The following SDK1 variants were observed in gnomAD, a reference collection of about 807,000 sequenced individuals.
The protein encoded by SDK1 is protein sidekick-1.
Under a neutral mutation model 245.5 loss-of-function variants are expected in SDK1, and 157 were observed. That is an observed-to-expected ratio of 0.64 (90% confidence interval 0.56 to 0.73). The LOEUF (loss-of-function observed/expected upper bound fraction) is 0.73. Among genes scored for constraint, SDK1 ranks in the 30% least tolerant of loss-of-function variants. SDK1 has a pLI of 0.00. For missense variants in SDK1, 3,583 were observed against 3,002.3 expected, an observed-to-expected ratio of 1.19 and a Z score of -4.52; for synonymous variants, 1,647 against 1,278.5, an observed-to-expected ratio of 1.29 and a Z score of -6.15.
intron 5 of SDK1, among the ~76,000 whole-genome samples, chr7:3,851,760 G>C (rs1403409668): frequency 6.6e-6 from 1 of 152,174 alleles, no homozygotes; most frequent in African/African-American, 2.4e-5. Flanking sequence ...AGAAGAAACG[G>C]CCTTTGGAAA....
intron 5 of SDK1, among the ~76,000 whole-genome samples, chr7:3,902,680 T>A (rs1328564378): frequency 2.0e-5 from 3 of 152,232 alleles, no homozygotes; most frequent in Admixed American, 6.5e-5. Flanking sequence ...AAGTCTAAAT[T>A]ACATGAAAAG....
intron 1 of SDK1, among the ~76,000 whole-genome samples, chr7:3,478,721 T>C (rs1006015746): frequency 6.6e-6 from 1 of 152,144 alleles, no homozygotes; most frequent in Non-Finnish European, 1.5e-5. Context: ...TCCTTGATTC[T>C]ACCTGATTCA....
At chr7:3,748,161 G>C (rs1183748751) in intron 4 of SDK1, among the ~76,000 whole-genome samples, 3 of 152,234 alleles carry the variant, frequency 2.0e-5, no homozygotes, top group Non-Finnish European at 4.4e-5. Context: ...GTTGAAAGCA[G>C]GGTACAAAAC....
At chr7:3,856,820 T>C (rs1041096139) in intron 5 of SDK1, among the ~76,000 whole-genome samples, 6 of 152,148 alleles carry the variant, frequency 3.9e-5, no homozygotes, top group African/African-American at 1.2e-4. Context: ...ATGCTACTTA[T>C]AGGATATAAA....
chr7:3,963,413 T>C, intron 9 of SDK1, among the ~76,000 whole-genome samples: 1 of 76,034 alleles, frequency 1.3e-5, no homozygotes, highest in Non-Finnish European at 2.3e-5. Flanking sequence ...CTCAGCCCCA[T>C]GGCTACCTGG....
At chr7:3,449,135 T>C (rs949395412) in intron 1 of SDK1, among the ~76,000 whole-genome samples, 1 of 152,232 alleles carries the variant, frequency 6.6e-6, no homozygotes, top group Non-Finnish European at 1.5e-5. Flanking sequence ...GTCCTTTCTT[T>C]ACAACATAAG....
intron 22 of SDK1, among the ~76,000 whole-genome samples, chr7:4,099,184 C>T (rs909777810): frequency 1.3e-5 from 2 of 151,936 alleles, no homozygotes; most frequent in Admixed American, 1.3e-4. Flanking sequence ...GAATGAAAGG[C>T]TCAGGGTTAG....
intron 1 of SDK1, among the ~76,000 whole-genome samples, chr7:3,380,455 A>C (rs942977641): frequency 1.3e-5 from 2 of 152,218 alleles, no homozygotes; most frequent in African/African-American, 4.8e-5. Flanking sequence ...TTGAGACTGA[A>C]GTGTCTGCAG....
At chr7:3,862,677 G>C (rs1038907844) in intron 5 of SDK1, among the ~76,000 whole-genome samples, 1 of 152,086 alleles carries the variant, frequency 6.6e-6, no homozygotes, top group African/African-American at 2.4e-5. Flanking sequence ...TAATACGTCA[G>C]GCTTTTTCTG....
chr7:3,781,242 C>G (rs1780725796), intron 4 of SDK1, among the ~76,000 whole-genome samples: 1 of 152,116 alleles, frequency 6.6e-6, no homozygotes, highest in Non-Finnish European at 1.5e-5. Flanking sequence ...CTGTAACTGG[C>G]CTGACCAGAA....
In SDK1 at chr7:4,228,879, A is replaced by G. The variant is rs1302072081; in HGVS notation, c.5828-4376A>G. The stretch of plus-strand genomic sequence containing the variant: ...CGGCAACACAGCTCGTTCACTGGGG[A>G]AGAGAAACCAGGCTGGCTCTTCCGG... On this transcript the variant is annotated intron_variant, in intron 40 of 44. Coordinates refer to ENST00000404826, the MANE Select transcript of SDK1 (RefSeq NM_152744.4). Among the ~76,000 whole-genome samples, 3 of 152,116 alleles carry G rather than the reference A, an allele frequency of 2.0e-5. No individual in the cohort carries two copies. The East Asian group carries it at 5.8e-4, about 29-fold the overall frequency.
In SDK1 at chr7:4,220,286, G is replaced by A. The variant is rs745614886; in HGVS notation, c.5701+16G>A. ...CCAGCCGAGGGTAAGTGGAACTCCA[G>A]GGGCAGACAATGTCAATTGCAACTT... is the stretch of plus-strand genomic sequence containing the variant. On this transcript the variant is annotated intron_variant, in intron 39 of 44. Coordinates refer to ENST00000404826, the MANE Select transcript of SDK1 (RefSeq NM_152744.4). 7.5e-6 allele frequency: 12 copies of A among 1,606,928 alleles called. No homozygotes were observed. The Admixed American group carries it at 2.0e-4, about 27-fold the overall frequency.
intron 4 of SDK1, among the ~76,000 whole-genome samples, chr7:3,811,402 AAAGTGAG>A (rs1334670199): frequency 6.6e-6 from 1 of 152,218 alleles, no homozygotes; most frequent in Non-Finnish European, 1.5e-5. Flanking sequence ...TTCTGGTAGA[AAAGTGAG>A]GTGTCTTCTC....
chr7:3,592,276 T>C (rs1234041954), intron 1 of SDK1, among the ~76,000 whole-genome samples: 2 of 152,246 alleles, frequency 1.3e-5, no homozygotes, highest in African/African-American at 2.4e-5. Flanking sequence ...TAAAAGATTA[T>C]GTGCCATTTA....
chr7:3,893,824 C>G (rs572248610), intron 5 of SDK1, among the ~76,000 whole-genome samples: 18 of 152,174 alleles, frequency 1.2e-4, no homozygotes, highest in Admixed American at 3.3e-4. Context: ...TGCCCCCACC[C>G]TCACCTTATC....
chr7:4,169,641 G>C (rs554850915), intron 32 of SDK1, among the ~76,000 whole-genome samples: 5 of 152,188 alleles, frequency 3.3e-5, no homozygotes, highest in Non-Finnish European at 7.3e-5. Context: ...GCAATGAGAC[G>C]GCAAGGCTGG....
chr7:4,084,361 T>C (rs1781287374), intron 22 of SDK1, among the ~76,000 whole-genome samples: 1 of 152,230 alleles, frequency 6.6e-6, no homozygotes, highest in South Asian at 2.1e-4. Context: ...TTATTCTTTT[T>C]GAACCTAGAA....
At chr7:4,161,021 C>T (rs933048903) in intron 31 of SDK1, among the ~76,000 whole-genome samples, 8 of 152,182 alleles carry the variant, frequency 5.3e-5, no homozygotes, top group East Asian at 1.9e-4. Context: ...ATACAGAATG[C>T]GTGTCACACT....
chr7:4,011,321 G>C (rs1785944349), intron 15 of SDK1, among the ~76,000 whole-genome samples: 1 of 152,232 alleles, frequency 6.6e-6, no homozygotes, highest in Non-Finnish European at 1.5e-5. Context: ...ATTGCTTTGA[G>C]GCAGGTTCCT....
Sources: gnomAD v4.1 joint callset for allele counts (sites outside exome capture counted in the v4.1 genomes callset) on GRCh38, gnomAD v4.1.1 for gene constraint, MANE v1.5 for transcripts, NCBI Gene and HGNC (gene_info 2026-07-23, HGNC 2026-07-21) for gene names.